The following MFSD6 variants were observed in gnomAD, a reference collection of about 807,000 sequenced individuals.
MFSD6 encodes major facilitator superfamily domain-containing protein 6.
MFSD6 carries 26 observed loss-of-function variants against 56.3 expected under a neutral mutation model. The observed-to-expected ratio is 0.46, with a 90% CI of 0.34 to 0.64. MFSD6 has a LOEUF of 0.64. MFSD6 is among the 30% of genes least tolerant of loss of function. The pLI is 0.01. For missense variants in MFSD6, 750 were observed against 986.2 expected (o/e 0.76, Z 3.21); for synonymous variants, 331 against 366.9 (o/e 0.90, Z 1.12).
Position 190,484,003 on chromosome 2 carries a change from A to T in MFSD6, c.1631-4654A>T, listed in dbSNP as rs979095967. On this transcript the variant is annotated intron_variant, in intron 4 of 7. Transcript: ENST00000392328. The stretch of plus-strand genomic sequence containing the variant: ...TGTGCCTCAAAGCCAATCCTGGGGG[A>T]TCCCAGTAAAGGTAAGGAAGGACTG... Among the ~76,000 whole-genome samples the T allele has an allele frequency of 2.6e-5, 4 of 152,216 alleles. No individual in the cohort carries two copies. In the South Asian group the frequency reaches 8.3e-4, roughly 32 times the overall value.
chr2:190,423,818 AT>A lies in MFSD6; in HGVS notation c.-54+8409del, dbSNP rs1448291812. Among the ~76,000 whole-genome samples, 1 of 152,128 alleles carries A rather than the reference AT, an allele frequency of 6.6e-6. No homozygotes were observed. The highest frequency in any genetic ancestry group is 2.4e-5 in the African/African-American group (1 of 41,430). On this transcript the variant is annotated intron_variant, in intron 2 of 7. Transcript: ENST00000392328. This position sits in a 1 kb window ranked among gnomAD's most constrained non-coding sequence, Gnocchi z 4.3. ...AGAATTCAGTGTTATCCCTATTTTT[AT>A]TTTAACCATTCTTATAGACGTGTAG... is the stretch of plus-strand genomic sequence containing the variant.
intron 1 of MFSD6, among the ~76,000 whole-genome samples, chr2:190,409,679 G>T (rs1176114102): frequency 6.6e-6 from 1 of 152,208 alleles, no homozygotes. Flanking sequence ...AATAAAAGGA[G>T]ATGTGTACTT....
rs978493641 is a variant in MFSD6, at chr2:190,413,173, A to T, written c.-175-2119A>T. 1.3e-5 allele frequency among the ~76,000 whole-genome samples: 2 copies of T among 152,074 alleles called. No individual in the cohort carries two copies. Among genetic ancestry groups the T allele is most frequent in the African/African-American group, 4.8e-5 (2 of 41,398 alleles). On this transcript the variant is annotated intron_variant, in intron 1 of 7. Transcript: ENST00000392328. The surrounding 1 kb of genome is among the most constrained non-coding windows in gnomAD (Gnocchi z 4.1). Reference sequence around the variant, plus strand: ...TAGCCTCTCCCTGCCTTGATCCATTATGATGTAAATCTAGCTGAGCCACGT... The same window carrying T: ...TAGCCTCTCCCTGCCTTGATCCATTTTGATGTAAATCTAGCTGAGCCACGT...
rs1483312901 is a variant in MFSD6 at position 190,491,100 on chromosome 2, T to A, written c.1891+1234T>A. 6.6e-6 allele frequency among the ~76,000 whole-genome samples: 1 copy of A among 152,172 alleles called. No individual in the cohort carries two copies. Among genetic ancestry groups the A allele is most frequent in the Non-Finnish European group, 1.5e-5 (1 of 68,014 alleles). On this transcript the variant is annotated intron_variant, in intron 6 of 7. Transcript: ENST00000392328. The surrounding 1 kb of genome is among the most constrained non-coding windows in gnomAD (Gnocchi z 4.2). ...TGGACTTGAATATCTTTGCTATTAA[T>A]CACAAAAAAATTTAAAATCATTAAT...
chr2:190,499,583 C>T lies in MFSD6; in HGVS notation c.2173-432C>T, dbSNP rs7594994. ...CCAGCTCTGCCTCCAAGGATAAGAA[C>T]CCCTTATTTACCTCCTGTTAGACAA... On this transcript the variant is annotated intron_variant, in intron 7 of 7. Transcript: ENST00000392328. This position sits in a 1 kb window ranked among gnomAD's most constrained non-coding sequence, Gnocchi z 6.0. Among the ~76,000 whole-genome samples, 21,960 of 152,180 alleles carry T rather than the reference C, an allele frequency of 0.14. 1,818 individuals carry two copies. The highest frequency in any genetic ancestry group is 0.22 in the Middle Eastern group (64 of 294).
Position 190,485,905 on chromosome 2 carries a change from T to C in MFSD6, c.1631-2752T>C, listed in dbSNP as rs1688984402. ...GTCAACTGTGAGGCATACAATCTAA[T>C]GTACCCAGTAAAAACAGTGTTTATT... On this transcript the variant is annotated intron_variant, in intron 4 of 7. Transcript: ENST00000392328. This position sits in a 1 kb window ranked among gnomAD's most constrained non-coding sequence, Gnocchi z 5.1. Among the ~76,000 whole-genome samples, 1 of 152,218 alleles carries C rather than the reference T, an allele frequency of 6.6e-6. No individual in the cohort carries two copies.
chr2:190,424,189 A>G lies in MFSD6; in HGVS notation c.-54+8776A>G, dbSNP rs892172575. On this transcript the variant is annotated intron_variant, in intron 2 of 7. Transcript: ENST00000392328. This position sits in a 1 kb window ranked among gnomAD's most constrained non-coding sequence, Gnocchi z 5.9. ...TTTATGGATCATGGTATCGGTGTCA[A>G]GTCTAAAAACTCTGCCTAGCACTAG... Among the ~76,000 whole-genome samples the G allele has an allele frequency of 1.3e-5, 2 of 150,812 alleles. No individual in the cohort carries two copies. Among genetic ancestry groups the G allele is most frequent in the African/African-American group, 4.9e-5 (2 of 41,106 alleles).
intron 4 of MFSD6, among the ~76,000 whole-genome samples, chr2:190,477,561 T>C (rs1688411310): frequency 6.6e-6 from 1 of 152,162 alleles, no homozygotes; most frequent in African/African-American, 2.4e-5. Context: ...AAAAAACAAA[T>C]GCTGTGTGAA....
In MFSD6 at chr2:190,471,530, G is replaced by C. The variant is rs569589661; in HGVS notation, c.1630+1675G>C. ...TCTGAGATCAAACTGCAAGGCGGCA[G>C]TGAGGCTGGGGGAGGGGCACCCGCC... On this transcript the variant is annotated intron_variant, in intron 4 of 7. Coordinates refer to ENST00000392328, the MANE Select transcript of MFSD6 (RefSeq NM_017694.4). The surrounding 1 kb of genome is among the most constrained non-coding windows in gnomAD (Gnocchi z 4.7). Among the ~76,000 whole-genome samples, 1 of 152,348 alleles carries C rather than the reference G, an allele frequency of 6.6e-6. No homozygotes were observed. The highest frequency in any genetic ancestry group is 1.9e-4 in the East Asian group (1 of 5,186).
intron 2 of MFSD6, among the ~76,000 whole-genome samples, chr2:190,430,009 C>A (rs548561242): frequency 6.6e-5 from 10 of 150,904 alleles, no homozygotes; most frequent in Non-Finnish European, 1.0e-4. Context: ...TCCCCACCCC[C>A]CAACAGGCCC....
In MFSD6 at chr2:190,495,264, T is replaced by C. The variant is rs915184790; in HGVS notation, c.1892-2175T>C. The stretch of plus-strand genomic sequence containing the variant: ...CACCTTTTATAATAGCTGCAAAAAA[T>C]AAAGTATTTAGGAATACACCTAACC... On this transcript the variant is annotated intron_variant, in intron 6 of 7. Transcript: ENST00000392328. The surrounding 1 kb of genome is among the most constrained non-coding windows in gnomAD (Gnocchi z 4.7). Among the ~76,000 whole-genome samples the C allele has an allele frequency of 2.0e-5, 3 of 151,678 alleles. No homozygotes were observed. The highest frequency in any genetic ancestry group is 4.2e-4 in the South Asian group (2 of 4,814).
Position 190,431,159 on chromosome 2 carries a change from G to A in MFSD6, c.-53-4818G>A, listed in dbSNP as rs1281620080. 6.6e-6 allele frequency among the ~76,000 whole-genome samples: 1 copy of A among 151,828 alleles called. No homozygotes were observed. The highest frequency in any genetic ancestry group is 1.5e-5 in the Non-Finnish European group (1 of 67,946). ...ATCTCAGACGATGGGCAGCCAGGCA[G>A]AGACGCTCCTCACTTCCCAGATGGG... On this transcript the variant is annotated intron_variant, in intron 2 of 7. Coordinates refer to ENST00000392328, the MANE Select transcript of MFSD6 (RefSeq NM_017694.4). The surrounding 1 kb of genome is among the most constrained non-coding windows in gnomAD (Gnocchi z 4.4).
In MFSD6 at chr2:190,416,117, C is replaced by T. The variant is rs1690764461; in HGVS notation, c.-54+704C>T. Among the ~76,000 whole-genome samples, 1 of 152,118 alleles carries T rather than the reference C, an allele frequency of 6.6e-6. No homozygotes were observed. The highest frequency in any genetic ancestry group is 2.4e-5 in the African/African-American group (1 of 41,418). On this transcript the variant is annotated intron_variant, in intron 2 of 7. Transcript: ENST00000392328. The surrounding 1 kb of genome is among the most constrained non-coding windows in gnomAD (Gnocchi z 4.1). ...ATTGGCACAATATTTAATCAGGAGT[C>T]TAAAACTAATAAGTAGGAATCTGCT...
At chr2:190,420,695 G>C (rs540657067) in intron 2 of MFSD6, among the ~76,000 whole-genome samples, 2 of 152,036 alleles carry the variant, frequency 1.3e-5, no homozygotes, top group East Asian at 3.9e-4. Flanking sequence ...CTTGTTTTTG[G>C]TTTCTTTTTG....
rs772737705 is a variant in MFSD6, at chr2:190,437,118, C to T, written c.1089C>T (p.Pro363=). ...TCGATGGAAAGGGGTGTAAGCCCCC[C>T]GAGTACAGGAATTACCAGATCGTCT... ...VLIDGKGCKP[P]EYRNYQIVFI... Residue 363 remains proline, a synonymous_variant, in exon 3 of 8, where the codon CCC becomes CCT. Transcript: ENST00000392328. This position sits in a 1 kb window ranked among gnomAD's most constrained non-coding sequence, Gnocchi z 5.9. The T allele has an allele frequency of 6.2e-6, 10 of 1,614,238 alleles. No individual in the cohort carries two copies. The highest frequency in any genetic ancestry group is 4.4e-5 in the South Asian group (4 of 91,086).
At chr2:190,448,329 C>T (rs1219812530) in intron 3 of MFSD6, among the ~76,000 whole-genome samples, 1 of 152,192 alleles carries the variant, frequency 6.6e-6, no homozygotes, top group Non-Finnish European at 1.5e-5. Context: ...TGGAGAAACT[C>T]ATACACATGC....
rs949525747 is a variant in MFSD6, at chr2:190,456,785, C to T, written c.1533-12973C>T. ...CCCTCGTCCTGCCTCAGCATCGATA[C>T]CTGCAGTTTCTGTGGCTACCTCAGC... is the stretch of plus-strand genomic sequence containing the variant. On this transcript the variant is annotated intron_variant, in intron 3 of 7. Transcript: ENST00000392328. The surrounding 1 kb of genome is among the most constrained non-coding windows in gnomAD (Gnocchi z 5.4). Among the ~76,000 whole-genome samples the T allele has an allele frequency of 6.6e-6, 1 of 152,356 alleles. No homozygotes were observed. The highest frequency in any genetic ancestry group is 1.9e-4 in the East Asian group (1 of 5,190).
In MFSD6 at chr2:190,496,480, G is replaced by C. The variant is rs746227372; in HGVS notation, c.1892-959G>C. Among the ~76,000 whole-genome samples, 2 of 152,210 alleles carry C rather than the reference G, an allele frequency of 1.3e-5. No individual in the cohort carries two copies. Among genetic ancestry groups the C allele is most frequent in the Middle Eastern group, 6.8e-3 (2 of 294 alleles). On this transcript the variant is annotated intron_variant, in intron 6 of 7. Transcript: ENST00000392328. This position sits in a 1 kb window ranked among gnomAD's most constrained non-coding sequence, Gnocchi z 4.7. Reference sequence around the variant, plus strand: ...TTTGATCCAGCAATCCCACTACTGGGTATCTACCCAGAGGAAAAGAAGTCA... The same window carrying C: ...TTTGATCCAGCAATCCCACTACTGGCTATCTACCCAGAGGAAAAGAAGTCA...
In MFSD6 at chr2:190,424,133, A is replaced by G. The variant is rs1685715551; in HGVS notation, c.-54+8720A>G. Among the ~76,000 whole-genome samples the G allele has an allele frequency of 6.6e-6, 1 of 151,936 alleles. No homozygotes were observed. On this transcript the variant is annotated intron_variant, in intron 2 of 7. Coordinates refer to ENST00000392328, the MANE Select transcript of MFSD6 (RefSeq NM_017694.4). This position sits in a 1 kb window ranked among gnomAD's most constrained non-coding sequence, Gnocchi z 5.9. ...GTCTTTTAAAGAGCAAAAGTTTTAA[A>G]TTTTAATGAAGTCTAACATTAGTTT...
Sources: gnomAD v4.1 joint callset for allele counts (sites outside exome capture counted in the v4.1 genomes callset) on GRCh38, gnomAD v4.1.1 for gene constraint, Gnocchi (gnomAD v3.1) non-coding constraint, MANE v1.5 for transcripts, NCBI Gene and HGNC (gene_info 2026-07-23, HGNC 2026-07-21) for gene names.